SLC5A8: variants seen among roughly 807,000 people sequenced by gnomAD.
SLC5A8 encodes sodium-coupled monocarboxylate transporter 1.
Under a neutral mutation model 71.9 loss-of-function variants are expected in SLC5A8, and 55 were observed. The ratio of observed to expected loss-of-function variants is 0.77; its 90% CI spans 0.62 to 0.96. SLC5A8 has a LOEUF of 0.96. Ranked by LOEUF, SLC5A8 falls within the 40% of genes least tolerant of loss-of-function variation. The probability of loss-of-function intolerance (pLI) is 0.00; values close to 1 mark genes in which losing one functional copy is unlikely to be tolerated. For missense variants in SLC5A8, 701 were observed against 745.3 expected (o/e 0.94, Z 0.69); for synonymous variants, 307 against 276.1 (o/e 1.11, Z -1.11).
Position 101,158,263 on chromosome 12 carries a change from C to T in SLC5A8, c.1696G>A (p.Asp566Asn), listed in dbSNP as rs1207915885. 1.3e-6 allele frequency: 2 copies of T among 1,587,538 alleles called. No individual in the cohort carries two copies. Among genetic ancestry groups the T allele is most frequent in the Non-Finnish European group, 8.6e-7 (1 of 1,161,504 alleles). Residue 566 changes from aspartate to asparagine, a missense_variant, in exon 14 of 15, where the codon GAT becomes AAT. By Grantham distance (23) the Asp-to-Asn change is conservative (BLOSUM62 1). Transcript: ENST00000536262. Reference protein sequence around the residue: ...LTKEDFLSNFDIFKKKKHVLS... With the variant: ...LTKEDFLSNFNIFKKKKHVLS... ...AGCCAACTCACTTTCTTAAAAATAT[C>T]AAAATTGGATAAAAAGTCCTCTTTG... is the stretch of plus-strand genomic sequence containing the variant.
intron 12 of SLC5A8, among the ~76,000 whole-genome samples, chr12:101,163,790 G>A (rs1271489097): frequency 3.3e-5 from 5 of 152,220 alleles, no homozygotes; most frequent in African/African-American, 1.2e-4. Flanking sequence ...ATAGAACAGA[G>A]TAGAGAATTG....
intron 12 of SLC5A8, among the ~76,000 whole-genome samples, chr12:101,164,144 T>G (rs547001604): frequency 6.6e-6 from 1 of 152,188 alleles, no homozygotes; most frequent in South Asian, 2.1e-4. Flanking sequence ...AAATTTTGAC[T>G]GACAAAAAAA....
intron 8 of SLC5A8, 23 bp from the exon 9 acceptor site, chr12:101,182,938 T>C (rs748789215): frequency 5.1e-5 from 69 of 1,361,536 alleles, no homozygotes; most frequent in Non-Finnish European, 4.0e-5. Flanking sequence ...ATAAAACTTT[T>C]GATTTATAAT....
chr12:101,182,947 A>C (rs1319085692), intron 8 of SLC5A8, 32 bp from the exon 9 acceptor site: 1 of 1,257,598 alleles, frequency 8.0e-7, no homozygotes, highest in Non-Finnish European at 1.1e-6. Context: ...TTGATTTATA[A>C]TATTTTACCT....
At chr12:101,202,711 A>T (rs1260713375) in intron 2 of SLC5A8, among the ~76,000 whole-genome samples, 1 of 152,164 alleles carries the variant, frequency 6.6e-6, no homozygotes, top group Non-Finnish European at 1.5e-5. Context: ...CACTAAAAAA[A>T]TCCTGAAAGC....
At chr12:101,163,329 T>A (rs562937875) in intron 12 of SLC5A8, among the ~76,000 whole-genome samples, 1 of 152,178 alleles carries the variant, frequency 6.6e-6, no homozygotes, top group African/African-American at 2.4e-5. Context: ...GAACAATATA[T>A]AAAACCTGGG....
intron 3 of SLC5A8, among the ~76,000 whole-genome samples, chr12:101,195,653 G>T (rs1270389947): frequency 2.0e-5 from 3 of 150,512 alleles, no homozygotes; most frequent in African/African-American, 7.3e-5. Context: ...ATTGCAGATT[G>T]CGGATCTGAT....
chr12:101,168,902 T>C (rs141054612), intron 10 of SLC5A8, among the ~76,000 whole-genome samples: 4 of 152,288 alleles, frequency 2.6e-5, no homozygotes, highest in African/African-American at 9.6e-5. Context: ...AATCACTGGT[T>C]TGTCCAGAGA....
chr12:101,167,002 A>G (rs1345322532), intron 11 of SLC5A8, among the ~76,000 whole-genome samples: 1 of 152,070 alleles, frequency 6.6e-6, no homozygotes, highest in Non-Finnish European at 1.5e-5. Flanking sequence ...AAAAAAAAAG[A>G]TACTGTTTAT....
At chr12:101,179,753 T>C (rs1008902066) in intron 10 of SLC5A8, among the ~76,000 whole-genome samples, 1 of 152,206 alleles carries the variant, frequency 6.6e-6, no homozygotes, top group Admixed American at 6.5e-5. Context: ...GATATTGTAC[T>C]ATCAAGATGT....
At chr12:101,199,113 C>A (rs557061910) in intron 3 of SLC5A8, among the ~76,000 whole-genome samples, 1 of 151,360 alleles carries the variant, frequency 6.6e-6, no homozygotes, top group Admixed American at 6.6e-5. Context: ...ACACTTGCAA[C>A]GAATAATTGA....
At chr12:101,189,149 C>T (rs1377022258) in intron 6 of SLC5A8, among the ~76,000 whole-genome samples, 1 of 152,044 alleles carries the variant, frequency 6.6e-6, no homozygotes, top group Non-Finnish European at 1.5e-5. Flanking sequence ...GTTTCATGTT[C>T]CCAAGGGAAG....
intron 3 of SLC5A8, among the ~76,000 whole-genome samples, chr12:101,195,496 T>C (rs1177383920): frequency 2.0e-5 from 3 of 152,130 alleles, no homozygotes; most frequent in Non-Finnish European, 4.4e-5. Flanking sequence ...GCGGTTCAAA[T>C]AAACACTCTA....
chr12:101,179,004 G>A (rs1395906042), intron 10 of SLC5A8, among the ~76,000 whole-genome samples: 2 of 152,124 alleles, frequency 1.3e-5, no homozygotes, highest in South Asian at 4.1e-4. Flanking sequence ...AAGACATTAT[G>A]AGATAATGTA....
intron 12 of SLC5A8, among the ~76,000 whole-genome samples, chr12:101,164,898 T>C (rs2051755095): frequency 6.6e-6 from 1 of 152,244 alleles, no homozygotes; most frequent in African/African-American, 2.4e-5. Flanking sequence ...CTATGCATTC[T>C]TGAAGTAGTA....
At chr12:101,190,691 C>CT in intron 5 of SLC5A8, 83 bp from the exon 6 acceptor site, 1 of 1,292,846 alleles carries the variant, frequency 7.7e-7, no homozygotes, top group African/African-American at 1.5e-5. Context: ...TGGAAGCAAG[C>CT]AATGCACATT....
At chr12:101,179,784 A>G (rs1469470549) in intron 10 of SLC5A8, among the ~76,000 whole-genome samples, 2 of 152,200 alleles carry the variant, frequency 1.3e-5, no homozygotes, top group South Asian at 2.1e-4. Flanking sequence ...AGATGTTACC[A>G]CTGAGGGAAA....
intron 10 of SLC5A8, among the ~76,000 whole-genome samples, chr12:101,168,848 G>GC (rs1288232480): frequency 3.3e-5 from 5 of 152,188 alleles, no homozygotes; most frequent in African/African-American, 1.2e-4. Context: ...ATAATCTAAT[G>GC]CCCAGTTCTT....
chr12:101,199,229 TAA>T (rs1869329729), intron 3 of SLC5A8: 1 of 152,030 alleles, frequency 6.6e-6, no homozygotes, highest in African/African-American at 2.4e-5. Flanking sequence ...AAAACATTAC[TAA>T]GAGACTTTTT....
Sources: gnomAD v4.1 joint callset for allele counts (sites outside exome capture counted in the v4.1 genomes callset) on GRCh38, gnomAD v4.1.1 for gene constraint, MANE v1.5 for transcripts, NCBI Gene and HGNC (gene_info 2026-07-23, HGNC 2026-07-21) for gene names.